ANOS1: variants seen among roughly 807,000 people sequenced by gnomAD.
ANOS1 encodes the protein anosmin-1.
Under a neutral mutation model 59.0 loss-of-function variants are expected in ANOS1, and 6 were observed. That is an observed-to-expected ratio of 0.10 (90% CI 0.06 to 0.20). The LOEUF is 0.20. Ranked by LOEUF, ANOS1 falls within the 10% of genes least tolerant of loss-of-function variation. The pLI is 1.00. For missense variants in ANOS1, 433 were observed against 542.3 expected (o/e 0.80, Z 2.00); for synonymous variants, 217 against 223.4 (o/e 0.97, Z 0.25).
At chrX:8,692,262 A>G (rs1271896078) in intron 2 of ANOS1, among the ~76,000 whole-genome samples, 1 of 112,003 alleles carries the variant, frequency 8.9e-6, no homozygotes, top group Non-Finnish European at 1.9e-5. Context: ...ATTGGAACAT[A>G]GCCACTCTTC....
chrX:8,644,581 G>T (rs1931721318), intron 2 of ANOS1, among the ~76,000 whole-genome samples: 1 of 111,920 alleles, frequency 8.9e-6, no homozygotes, highest in Non-Finnish European at 1.9e-5. Context: ...ATTCTGTAGA[G>T]AATCGCCTTC....
intron 9 of ANOS1, among the ~76,000 whole-genome samples, chrX:8,547,476 T>C (rs954577890): frequency 2.7e-5 from 3 of 112,013 alleles, no homozygotes; most frequent in African/African-American, 9.7e-5. Context: ...TCAAAATCTC[T>C]CTGCTCTCAA....
At chrX:8,594,412 A>G (rs1930673698) in intron 4 of ANOS1, among the ~76,000 whole-genome samples, 1 of 106,632 alleles carries the variant, frequency 9.4e-6, no homozygotes, top group South Asian at 4.3e-4. Context: ...GCTTGTGTAC[A>G]TCAGTCCCCC....
chrX:8,594,663 T>C (rs1160376413), intron 4 of ANOS1, among the ~76,000 whole-genome samples: 1 of 15,627 alleles, frequency 6.4e-5, no homozygotes, highest in African/African-American at 4.0e-4. Flanking sequence ...TATGTGTATA[T>C]ATATATATAT....
At chrX:8,668,377 G>T (rs749816719) in intron 2 of ANOS1, among the ~76,000 whole-genome samples, 18 of 80,110 alleles carry the variant, frequency 2.2e-4, no homozygotes, top group African/African-American at 7.0e-4. Flanking sequence ...CCTTTTTATG[G>T]CTGAATAGTA....
At chrX:8,580,930 G>T (rs1216101912) in intron 6 of ANOS1, among the ~76,000 whole-genome samples, 1 of 111,868 alleles carries the variant, frequency 8.9e-6, no homozygotes, top group African/African-American at 3.3e-5. Context: ...AGTGGTGACT[G>T]TTTTTTAAAA....
At chrX:8,694,742 T>C (rs1932658533) in intron 2 of ANOS1, among the ~76,000 whole-genome samples, 1 of 112,485 alleles carries the variant, frequency 8.9e-6, no homozygotes, top group South Asian at 3.7e-4. Flanking sequence ...AATGGAAATA[T>C]ATCACGTTTT....
At chrX:8,598,388 C>T (rs1385329922) in intron 3 of ANOS1, among the ~76,000 whole-genome samples, 2 of 112,134 alleles carry the variant, frequency 1.8e-5, no homozygotes, top group African/African-American at 3.2e-5. Context: ...TGGTTCAGGA[C>T]AGCACTCGGT....
rs753133561 is a variant in ANOS1, at chrX:8,670,819, C to T, written c.255+28879G>A. Among the ~76,000 whole-genome samples, 47 of 111,418 alleles carry T rather than the reference C, an allele frequency of 4.2e-4. 1 individual carries two copies. Among genetic ancestry groups the T allele is most frequent in the African/African-American group, 1.4e-3 (44 of 30,665 alleles). The stretch of plus-strand genomic sequence containing the variant: ...TCCCTTTTTCACACAAGGAAAAGCC[C>T]GGCTGCTCCTCTTCCAGTCGCCTTC... On this transcript the variant is annotated intron_variant, in intron 2 of 13. Coordinates refer to ENST00000262648, the MANE Select transcript of ANOS1 (RefSeq NM_000216.4).
chrX:8,686,866 A>G (rs901550424), intron 2 of ANOS1, among the ~76,000 whole-genome samples: 1 of 112,092 alleles, frequency 8.9e-6, no homozygotes, highest in African/African-American at 3.2e-5. Context: ...AGGCAGGGGA[A>G]TTGCTTGAAC....
intron 8 of ANOS1, among the ~76,000 whole-genome samples, chrX:8,556,279 G>T (rs1929947420): frequency 9.1e-6 from 1 of 109,522 alleles, no homozygotes; most frequent in Admixed American, 9.9e-5. Flanking sequence ...CACAAGACAA[G>T]GATGCCCTCT....
At chrX:8,715,125 GA>G (rs1932834444) in intron 1 of ANOS1, among the ~76,000 whole-genome samples, 1 of 112,496 alleles carries the variant, frequency 8.9e-6, no homozygotes, top group Non-Finnish European at 1.9e-5. Flanking sequence ...AAGGATGTCT[GA>G]AAAGTCAGGT....
chrX:8,691,518 T>C (rs1932607840), intron 2 of ANOS1, among the ~76,000 whole-genome samples: 1 of 111,354 alleles, frequency 9.0e-6, no homozygotes, highest in South Asian at 3.7e-4. Flanking sequence ...GATGGATGGA[T>C]GGATGGATGG....
At chrX:8,641,048 A>G (rs773246345) in intron 2 of ANOS1, among the ~76,000 whole-genome samples, 4 of 112,628 alleles carry the variant, frequency 3.6e-5, no homozygotes, top group African/African-American at 6.4e-5. Context: ...TGCAAGAAGA[A>G]TAAGCCTTTT....
chrX:8,619,437 C>G (rs1307185400), intron 3 of ANOS1, among the ~76,000 whole-genome samples: 1 of 110,691 alleles, frequency 9.0e-6, no homozygotes, highest in African/African-American at 3.3e-5. Flanking sequence ...AACCCCGTCT[C>G]TACTAAAAAT....
At chrX:8,554,542 GTTTTTTT>G (rs757605733) in intron 8 of ANOS1, among the ~76,000 whole-genome samples, 4 of 50,831 alleles carry the variant, frequency 7.9e-5, no homozygotes, top group South Asian at 1.3e-3. Context: ...GGCTACAGGA[GTTTTTTT>G]TTTTTTTTTT....
chrX:8,554,936 G>A (rs1230788335), intron 8 of ANOS1, among the ~76,000 whole-genome samples: 1 of 110,861 alleles, frequency 9.0e-6, no homozygotes, highest in African/African-American at 3.3e-5. Flanking sequence ...ATTCTTCTCA[G>A]CACCATATAG....
chrX:8,563,899 T>C (rs1440986777), intron 8 of ANOS1, among the ~76,000 whole-genome samples: 2 of 111,830 alleles, frequency 1.8e-5, no homozygotes, highest in Non-Finnish European at 1.9e-5. Flanking sequence ...TCGAGCTTTG[T>C]AAGTGGAGGG....
intron 3 of ANOS1, among the ~76,000 whole-genome samples, chrX:8,622,067 A>C (rs775556051): frequency 1.8e-5 from 2 of 111,617 alleles, no homozygotes; most frequent in African/African-American, 6.5e-5. Context: ...TTTTTTCTAC[A>C]TCTCAAGGGG....
Sources: allele counts gnomAD v4.1 joint callset (sites outside exome capture counted in the v4.1 genomes callset), GRCh38; gene constraint gnomAD v4.1.1; transcripts MANE v1.5; gene names NCBI Gene and HGNC (gene_info 2026-07-23, HGNC 2026-07-21).